Variants in ZFHX3 observed in about 807,000 individuals in gnomAD.
The protein encoded by ZFHX3 is zinc finger homeobox protein 3.
Under a neutral mutation model 279.1 loss-of-function variants are expected in ZFHX3, and 42 were observed. The ratio of observed to expected loss-of-function variants is 0.15; its 90% confidence interval spans 0.12 to 0.19. The LOEUF (loss-of-function observed/expected upper bound fraction) is 0.19, where lower values mean the gene tolerates loss of function less well. ZFHX3 is among the 10% of genes least tolerant of loss of function. The probability of loss-of-function intolerance (pLI) is 1.00; values close to 1 mark genes in which losing one functional copy is unlikely to be tolerated. For missense variants in ZFHX3, 4,981 were observed against 4,754.0 expected, an observed-to-expected ratio of 1.05 and a Z score of -1.40; for synonymous variants, 2,293 against 1,957.8, an observed-to-expected ratio of 1.17 and a Z score of -4.52.
At chr16:73,489,798 A>G (rs377097004) in intron 2 of ZFHX3, among the ~76,000 whole-genome samples, 3 of 152,180 alleles carry the variant, frequency 2.0e-5, no homozygotes, top group East Asian at 3.8e-4. Flanking sequence ...TTTCTCTGAT[A>G]GGTTTTTTTT....
intron 1 of ZFHX3, among the ~76,000 whole-genome samples, chr16:73,708,273 AT>A (rs1376393089): frequency 2.6e-5 from 4 of 152,216 alleles, no homozygotes; most frequent in Non-Finnish European, 1.5e-5. Context: ...ACAATCATCT[AT>A]TTTTAGTTGA....
At chr16:73,340,004 C>A (rs2016000558) in intron 3 of ZFHX3, among the ~76,000 whole-genome samples, 1 of 152,134 alleles carries the variant, frequency 6.6e-6, no homozygotes, top group African/African-American at 2.4e-5. Context: ...AAGCAGCAGC[C>A]ACATTTGCAT....
At chr16:72,814,147 T>C (rs777571771) in intron 5 of ZFHX3, among the ~76,000 whole-genome samples, 1 of 152,160 alleles carries the variant, frequency 6.6e-6, no homozygotes, top group Non-Finnish European at 1.5e-5. Flanking sequence ...CTCCAATCAG[T>C]AGGCATTAGG....
At chr16:73,661,916 A>T (rs1458707694) in intron 2 of ZFHX3, among the ~76,000 whole-genome samples, 1 of 151,022 alleles carries the variant, frequency 6.6e-6, no homozygotes, top group Non-Finnish European at 1.5e-5. Flanking sequence ...TCATTTAGAA[A>T]CTCAAATCTG....
At chr16:72,992,813 A>G (rs1343402141) in intron 1 of ZFHX3, among the ~76,000 whole-genome samples, 1 of 152,240 alleles carries the variant, frequency 6.6e-6, no homozygotes, top group East Asian at 1.9e-4. Context: ...CGCGGAAGGA[A>G]GGCACCAAAG....
At position 73,454,442 on chromosome 16, in the gene ZFHX3, G is replaced by A. The variant is rs370096811; in HGVS notation, c.-1291+1561C>T. Among the ~76,000 whole-genome samples, 6 of 152,020 alleles carry A rather than the reference G, an allele frequency of 3.9e-5. No homozygotes were observed. The East Asian group carries it at 7.7e-4, about 20-fold the overall frequency. ...TAAATATCTCAAGAGGAGTTCATTC[G>A]TGTTCTTTGAATTCCCTAAGACAGT... On this transcript the variant is annotated intron_variant, in intron 3 of 17. Coordinates refer to the ZFHX3 transcript ENST00000641206.
chr16:72,958,554 G>C lies in ZFHX3; in HGVS notation c.1592C>G (p.Ser531Cys). Residue 531 changes from serine (S) to cysteine (C), a missense_variant, in exon 2 of 10, where the codon TCT (serine) becomes TGT (cysteine). Around this residue, in one of 7 missense-constraint regions of ZFHX3, gnomAD observed 1,068 missense variants for 935.2 expected, o/e 1.14. Transcript: ENST00000268489. ...CACGTTAGGCATTAAGGGGGAGTTAGAAATGCTTTGGTTTGAGAGAGCAAG... is the reference window on the plus strand; with the variant it reads ...CACGTTAGGCATTAAGGGGGAGTTACAAATGCTTTGGTTTGAGAGAGCAAG... ...KDLALSNQSI[S>C]NSPLMPNVLQ... The C allele has an allele frequency of 1.9e-6, 3 of 1,614,136 alleles. No homozygotes were observed. Among genetic ancestry groups the C allele is most frequent in the Non-Finnish European group, 2.5e-6 (3 of 1,180,030 alleles).
In ZFHX3 at chr16:73,229,760, A is replaced by G. The variant is rs1441312288; in HGVS notation, c.-1104+27287T>C. The stretch of plus-strand genomic sequence containing the variant: ...CATCTAAAATCATGTGATTCTAGTG[A>G]CTTTAGTTCATAAGACTCTTGAAAG... On this transcript the variant is annotated intron_variant, in intron 5 of 17. Transcript: ENST00000641206. Among the ~76,000 whole-genome samples the G allele has an allele frequency of 2.6e-5, 4 of 152,354 alleles. No individual in the cohort carries two copies. The East Asian group carries it at 7.7e-4, about 29-fold the overall frequency.
At chr16:72,824,901 G>C (rs1040647137) in intron 5 of ZFHX3, among the ~76,000 whole-genome samples, 2 of 152,306 alleles carry the variant, frequency 1.3e-5, no homozygotes, top group African/African-American at 2.4e-5. Context: ...TTTCAAAAGA[G>C]AAAACCACAA....
chr16:73,710,901 T>C (rs905186360), intron 1 of ZFHX3, among the ~76,000 whole-genome samples: 1 of 152,214 alleles, frequency 6.6e-6, no homozygotes, highest in African/African-American at 2.4e-5. Context: ...CAACTCTCTC[T>C]AGCCCTCACT....
chr16:73,235,753 G>T (rs1280129694), intron 5 of ZFHX3, among the ~76,000 whole-genome samples: 1 of 152,008 alleles, frequency 6.6e-6, no homozygotes, highest in African/African-American at 2.4e-5. Flanking sequence ...GCTCACTGCA[G>T]CCTTGACCTC....
At chr16:73,742,661 A>T (rs1001287780) in intron 1 of ZFHX3, among the ~76,000 whole-genome samples, 5 of 152,194 alleles carry the variant, frequency 3.3e-5, no homozygotes, top group African/African-American at 4.8e-5. Context: ...ACCTTATCAA[A>T]ATTTGGGTTT....
At chr16:72,925,173 A>T (rs909357895) in intron 3 of ZFHX3, among the ~76,000 whole-genome samples, 2 of 152,214 alleles carry the variant, frequency 1.3e-5, no homozygotes. Flanking sequence ...TGTGGAGTTA[A>T]CACAAAGCCA....
chr16:73,550,175 CA>C (rs1181932347), intron 2 of ZFHX3, among the ~76,000 whole-genome samples: 1 of 152,056 alleles, frequency 6.6e-6, no homozygotes, highest in East Asian at 1.9e-4. Context: ...TGGGCCGTGT[CA>C]GGGCAAAGCT....
intron 1 of ZFHX3, among the ~76,000 whole-genome samples, chr16:73,732,417 T>G (rs1213370138): frequency 6.6e-6 from 1 of 152,194 alleles, no homozygotes; most frequent in Non-Finnish European, 1.5e-5. Flanking sequence ...AAAAGAAATA[T>G]TGCCTTTGAG....
At chr16:73,694,572 G>A (rs1025208161) in intron 1 of ZFHX3, among the ~76,000 whole-genome samples, 2 of 152,014 alleles carry the variant, frequency 1.3e-5, no homozygotes, top group African/African-American at 2.4e-5. Flanking sequence ...TTGAACTCCC[G>A]ACCTCGTGAT....
intron 3 of ZFHX3, among the ~76,000 whole-genome samples, chr16:73,330,840 A>C (rs576178340): frequency 6.6e-6 from 1 of 152,262 alleles, no homozygotes; most frequent in South Asian, 2.1e-4. Context: ...GTCCTTTCTG[A>C]AAGGAAGAGT....
chr16:73,804,385 C>T (rs1453769160), intron 1 of ZFHX3, among the ~76,000 whole-genome samples: 2 of 152,146 alleles, frequency 1.3e-5, no homozygotes, highest in African/African-American at 2.4e-5. Context: ...GGCAAGCCAC[C>T]CAAGGATGGC....
chr16:73,139,276 A>G (rs1181022085), intron 6 of ZFHX3, among the ~76,000 whole-genome samples: 1 of 152,180 alleles, frequency 6.6e-6, no homozygotes, highest in African/African-American at 2.4e-5. Flanking sequence ...TGTATAACCC[A>G]CTGACATGGT....
Sources: gnomAD v4.1 joint callset for allele counts (sites outside exome capture counted in the v4.1 genomes callset) on GRCh38, gnomAD v4.1.1 for gene constraint, gnomAD v4.1.1 regional missense constraint, MANE v1.5 for transcripts, NCBI Gene and HGNC (gene_info 2026-07-23, HGNC 2026-07-21) for gene names.